The following ANK3 variants were observed in gnomAD, a reference collection of about 807,000 sequenced individuals.
ANK3 encodes the protein ankyrin 3.
Under a neutral mutation model 370.9 loss-of-function variants are expected in ANK3, and 57 were observed. The ratio of observed to expected loss-of-function variants is 0.15; its 90% confidence interval spans 0.12 to 0.19. The LOEUF (loss-of-function observed/expected upper bound fraction) is 0.19, where lower values mean the gene tolerates loss of function less well. Ranked by LOEUF, ANK3 falls within the 10% of genes least tolerant of loss-of-function variation. ANK3 has a pLI of 1.00. For synonymous variants in ANK3, 1,929 were observed against 1,946.3 expected (o/e 0.99, Z 0.23); for missense variants, 4,439 against 5,302.1 (o/e 0.84, Z 5.06).
intron 7 of ANK3, among the ~76,000 whole-genome samples, chr10:60,241,069 G>T (rs2097449523): frequency 6.6e-6 from 1 of 152,064 alleles, no homozygotes; most frequent in Non-Finnish European, 1.5e-5. Context: ...CTCATCCCTT[G>T]CTTTCTATAC....
intron 2 of ANK3, among the ~76,000 whole-genome samples, chr10:60,496,816 G>T (rs967658290): frequency 2.0e-5 from 3 of 151,846 alleles, no homozygotes; most frequent in Admixed American, 1.3e-4. Flanking sequence ...TGGCCGGGAG[G>T]TAGGTCAGAG....
chr10:60,623,424 C>G (rs1389675703), intron 1 of ANK3, among the ~76,000 whole-genome samples: 2 of 151,996 alleles, frequency 1.3e-5, no homozygotes, highest in Non-Finnish European at 2.9e-5. Context: ...TTTGAATGGG[C>G]AAGGACACAG....
chr10:60,083,128 T>A (rs1053291760), intron 33 of ANK3, among the ~76,000 whole-genome samples: 23 of 152,156 alleles, frequency 1.5e-4, no homozygotes, highest in African/African-American at 5.1e-4. Context: ...CTCTAGAACG[T>A]CCCTGGGCTC....
intron 2 of ANK3, among the ~76,000 whole-genome samples, chr10:60,574,443 G>T (rs1327875575): frequency 2.0e-5 from 3 of 152,178 alleles, no homozygotes; most frequent in African/African-American, 7.2e-5. Context: ...TAATCATCAT[G>T]TTCTACATTT....
intron 2 of ANK3, among the ~76,000 whole-genome samples, chr10:60,467,407 T>A (rs1352881074): frequency 6.6e-6 from 1 of 152,178 alleles, no homozygotes; most frequent in African/African-American, 2.4e-5. Context: ...AACGCTTATA[T>A]CCTAATCCTG....
chr10:60,670,894 T>C (rs2079057303), intron 1 of ANK3, among the ~76,000 whole-genome samples: 1 of 152,216 alleles, frequency 6.6e-6, no homozygotes, highest in African/African-American at 2.4e-5. Flanking sequence ...TTTGCTGTTT[T>C]ACATTTTCCT....
chr10:60,346,330 T>C (rs1386242449), intron 1 of ANK3, among the ~76,000 whole-genome samples: 4 of 151,964 alleles, frequency 2.6e-5, no homozygotes, highest in African/African-American at 9.7e-5. Context: ...AAAGGAAGTA[T>C]ATGCAACTTA....
chr10:60,641,010 G>T lies in ANK3; in HGVS notation c.58-25786C>A, dbSNP rs1485564154. Among the ~76,000 whole-genome samples, 278 of 148,052 alleles carry T rather than the reference G, an allele frequency of 1.9e-3. 1 individual carries two copies. Among genetic ancestry groups the T allele is most frequent in the African/African-American group, 6.3e-3 (252 of 40,088 alleles). On this transcript the variant is annotated intron_variant, in intron 1 of 43. Coordinates refer to the ANK3 transcript ENST00000373827. ...AACAGACAAACGGAGAGCCAAATCA[G>T]GAGTGAACTCCCATTCACAATTGCT... is the stretch of plus-strand genomic sequence containing the variant.
chr10:60,227,226 A>G (rs893183771), intron 8 of ANK3, among the ~76,000 whole-genome samples: 8 of 152,084 alleles, frequency 5.3e-5, no homozygotes, highest in Non-Finnish European at 1.2e-4. Flanking sequence ...AGATTGCTAG[A>G]TATTTTTCAT....
chr10:60,041,388 C>A (rs1301319429), intron 43 of ANK3, among the ~76,000 whole-genome samples: 1 of 152,166 alleles, frequency 6.6e-6, no homozygotes, highest in African/African-American at 2.4e-5. Context: ...CACCTCCGAC[C>A]CAGGTTAAGT....
chr10:60,389,850 C>T lies in ANK3; in HGVS notation c.-312G>A. 9.2e-7 allele frequency: 1 copy of T among 1,085,984 alleles called. No homozygotes were observed. Among genetic ancestry groups the T allele is most frequent in the Admixed American group, 4.8e-5 (1 of 20,664 alleles). The allele number at this position is 1,085,984 out of a possible 1,614,324, so 67.3% of individuals were successfully genotyped here. ...AGGAAGCTGTATTATGGCTGTATCC[C>T]CTGCCACCAGCTGGAAGTGTCTAAG... is the stretch of plus-strand genomic sequence containing the variant. On this transcript the variant is annotated 5_prime_UTR_variant, in exon 1 of 44. Transcript: ENST00000280772.
At chr10:60,713,230 G>A (rs2079734668) in intron 1 of ANK3, among the ~76,000 whole-genome samples, 1 of 151,996 alleles carries the variant, frequency 6.6e-6, no homozygotes, top group East Asian at 1.9e-4. Flanking sequence ...CTTAACAAAT[G>A]TAAACAATAG....
chr10:60,518,689 T>C (rs574329012), intron 2 of ANK3, among the ~76,000 whole-genome samples: 1 of 152,122 alleles, frequency 6.6e-6, no homozygotes, highest in African/African-American at 2.4e-5. Context: ...GTGAAACCAT[T>C]ATCTGCAGAT....
chr10:60,330,539 G>A (rs376331064), intron 1 of ANK3, among the ~76,000 whole-genome samples: 10 of 152,122 alleles, frequency 6.6e-5, no homozygotes, highest in East Asian at 1.9e-4. Flanking sequence ...ATCACTGGTC[G>A]TTAGAAAAAT....
chr10:60,198,303 G>A (rs376752710), intron 14 of ANK3, 37 bp downstream of exon 14: 2 of 1,603,804 alleles, frequency 1.2e-6, no homozygotes, highest in African/African-American at 1.3e-5. Context: ...GATGTATTTG[G>A]GGGGACAGAG....
chr10:60,690,404 CG>C (rs1373600798), intron 1 of ANK3, among the ~76,000 whole-genome samples: 1 of 152,140 alleles, frequency 6.6e-6, no homozygotes, highest in Non-Finnish European at 1.5e-5. Context: ...GCTTTTCCAA[CG>C]GTCTTAGCAA....
intron 43 of ANK3, among the ~76,000 whole-genome samples, chr10:60,041,049 T>C (rs372371447): frequency 6.6e-6 from 1 of 152,220 alleles, no homozygotes; most frequent in East Asian, 1.9e-4. Context: ...TTTTCTCATC[T>C]TGGATCCTTC....
intron 2 of ANK3, among the ~76,000 whole-genome samples, chr10:60,520,263 T>C (rs1005691470): frequency 6.6e-6 from 1 of 151,996 alleles, no homozygotes; most frequent in Non-Finnish European, 1.5e-5. Context: ...AACAATAGAA[T>C]AGACACTGGG....
At chr10:60,495,516 C>A (rs1314446408) in intron 2 of ANK3, among the ~76,000 whole-genome samples, 1 of 152,146 alleles carries the variant, frequency 6.6e-6, no homozygotes, top group Non-Finnish European at 1.5e-5. Context: ...GCCCATCATT[C>A]ACAAAAGCTA....
Sources: gnomAD v4.1 joint callset for allele counts (sites outside exome capture counted in the v4.1 genomes callset) on GRCh38, gnomAD v4.1.1 for gene constraint, MANE v1.5 for transcripts, NCBI Gene and HGNC (gene_info 2026-07-23, HGNC 2026-07-21) for gene names.